Variants in SMYD3 observed in about 807,000 individuals in gnomAD.
SMYD3 encodes the protein SET and MYND domain containing 3.
In SMYD3, 36 loss-of-function variants were observed where a neutral mutation model predicts 57.7. The observed-to-expected ratio is 0.62, with a 90% CI of 0.48 to 0.82. SMYD3 has a LOEUF of 0.82. Ranked by LOEUF, SMYD3 falls within the 40% of genes least tolerant of loss-of-function variation. The pLI is 0.00. For missense variants in SMYD3, 515 were observed against 538.8 expected, an observed-to-expected ratio of 0.96 and a Z score of 0.44; for synonymous variants, 211 against 195.0, an observed-to-expected ratio of 1.08 and a Z score of -0.68.
At chr1:245,757,982 T>C (rs753219421) in intron 11 of SMYD3, among the ~76,000 whole-genome samples, 1 of 152,194 alleles carries the variant, frequency 6.6e-6, no homozygotes, top group South Asian at 2.1e-4. Flanking sequence ...GGGATTTTGA[T>C]AGAGATTGCA....
chr1:245,985,229 C>T (rs1225685453), intron 5 of SMYD3, among the ~76,000 whole-genome samples: 1 of 152,128 alleles, frequency 6.6e-6, no homozygotes, highest in East Asian at 1.9e-4. Context: ...TCTTCTGATG[C>T]CATACATTTT....
chr1:245,924,849 A>G (rs1260730722), intron 7 of SMYD3, among the ~76,000 whole-genome samples: 1 of 151,920 alleles, frequency 6.6e-6, no homozygotes, highest in African/African-American at 2.4e-5. Context: ...TTTTTAGTAG[A>G]GACGGGGTTT....
intron 4 of SMYD3, among the ~76,000 whole-genome samples, chr1:246,328,546 C>T (rs773631371): frequency 2.0e-5 from 3 of 152,092 alleles, no homozygotes; most frequent in Non-Finnish European, 4.4e-5. Context: ...TGAACTACAG[C>T]ATAACTCTGT....
intron 10 of SMYD3, among the ~76,000 whole-genome samples, chr1:245,806,783 G>A (rs184037080): frequency 0.012 from 1,889 of 151,272 alleles, 37 homozygotes; most frequent in African/African-American, 0.037. Context: ...GGTGGCGGGC[G>A]CCTGTAGTCC....
At chr1:245,790,529 T>A (rs891840222) in intron 10 of SMYD3, among the ~76,000 whole-genome samples, 1 of 152,180 alleles carries the variant, frequency 6.6e-6, no homozygotes, top group Admixed American at 6.5e-5. Flanking sequence ...TATACTTGGC[T>A]CCAAACCAGG....
intron 8 of SMYD3, among the ~76,000 whole-genome samples, chr1:245,867,666 GCGCA>G (rs1358700048): frequency 6.2e-4 from 87 of 139,704 alleles, no homozygotes; most frequent in Admixed American, 4.1e-3. Context: ...GTGCGTGCGC[GCGCA>G]CACACACACA....
chr1:246,433,686 T>C (rs2067330798), intron 1 of SMYD3, among the ~76,000 whole-genome samples: 1 of 151,976 alleles, frequency 6.6e-6, no homozygotes, highest in South Asian at 2.1e-4. Context: ...TAAAATAAAA[T>C]AGCCATACTG....
intron 10 of SMYD3, among the ~76,000 whole-genome samples, chr1:245,770,997 G>A (rs927664363): frequency 4.0e-5 from 6 of 151,830 alleles, no homozygotes; most frequent in African/African-American, 1.5e-4. Flanking sequence ...TGTGTCAACT[G>A]GAATCTCAAA....
At chr1:245,826,098 T>C (rs1363421880) in intron 10 of SMYD3, among the ~76,000 whole-genome samples, 1 of 150,936 alleles carries the variant, frequency 6.6e-6, no homozygotes, top group East Asian at 2.0e-4. Context: ...GGTTTTAAGG[T>C]GTACAGTTCA....
At chr1:245,913,115 A>T (rs1274077049) in intron 8 of SMYD3, among the ~76,000 whole-genome samples, 2 of 152,174 alleles carry the variant, frequency 1.3e-5, no homozygotes, top group African/African-American at 2.4e-5. Context: ...ACCAACCCAA[A>T]TGTCCAACAA....
At chr1:245,887,834 A>C (rs1370943129) in intron 8 of SMYD3, among the ~76,000 whole-genome samples, 1 of 152,176 alleles carries the variant, frequency 6.6e-6, no homozygotes, top group African/African-American at 2.4e-5. Flanking sequence ...TATATGTCTC[A>C]CATCATGAAA....
chr1:246,403,039 C>T (rs559598611), intron 1 of SMYD3, among the ~76,000 whole-genome samples: 18 of 152,288 alleles, frequency 1.2e-4, no homozygotes, highest in African/African-American at 4.3e-4. Context: ...CATTAAGAGT[C>T]ACCATTAAAA....
At chr1:245,902,833 A>AAT (rs1394966453) in intron 8 of SMYD3, among the ~76,000 whole-genome samples, 1 of 152,228 alleles carries the variant, frequency 6.6e-6, no homozygotes, top group Non-Finnish European at 1.5e-5. Context: ...AAATACTGTA[A>AAT]ATATATCTAC....
Position 246,144,893 on chromosome 1 carries a change from C to T in SMYD3, c.531+182308G>A, listed in dbSNP as rs112431443. Among the ~76,000 whole-genome samples, 84 of 152,306 alleles carry T rather than the reference C, an allele frequency of 5.5e-4. 1 individual carries two copies. Among genetic ancestry groups the T allele is most frequent in the African/African-American group, 2.0e-3 (82 of 41,554 alleles). The stretch of plus-strand genomic sequence containing the variant: ...TATAACAGAGCTAATTCAGGAAGCA[C>T]GAATCGGGTTTCCCGGATCTGGATA... On this transcript the variant is annotated intron_variant, in intron 5 of 11. Coordinates refer to ENST00000490107, the MANE Select transcript of SMYD3 (RefSeq NM_001167740.2).
In SMYD3 at chr1:246,135,743, G is replaced by A. The variant is rs187002629; in HGVS notation, c.531+191458C>T. 1.5e-3 allele frequency among the ~76,000 whole-genome samples: 234 copies of A among 152,086 alleles called. 1 individual carries two copies. Among genetic ancestry groups the A allele is most frequent in the African/African-American group, 5.3e-3 (219 of 41,490 alleles). ...AGAGTAGAAATATACAGCTAAAATT[G>A]TTTTAATATACAAACCAAAATGACA... On this transcript the variant is annotated intron_variant, in intron 5 of 11. Transcript: ENST00000490107.
At position 246,352,491 on chromosome 1, in the gene SMYD3, T is replaced by C. The variant is rs189012968; in HGVS notation, c.228+2540A>G. On this transcript the variant is annotated intron_variant, in intron 2 of 11. Coordinates refer to ENST00000490107, the MANE Select transcript of SMYD3 (RefSeq NM_001167740.2). The stretch of plus-strand genomic sequence containing the variant: ...AATTACAATGTTTAATGTTGTATTT[T>C]AAGGTTGAGATAAACACAGCAGTTT... Among the ~76,000 whole-genome samples the C allele has an allele frequency of 2.6e-5, 4 of 152,350 alleles. No individual in the cohort carries two copies. The East Asian group carries it at 7.7e-4, about 29-fold the overall frequency.
intron 5 of SMYD3, among the ~76,000 whole-genome samples, chr1:246,298,226 T>TAA (rs35477335): frequency 0.057 from 8,605 of 150,420 alleles, 337 homozygotes; most frequent in African/African-American, 0.097. Flanking sequence ...CACACTGAGG[T>TAA]AAAAAAATAA....
intron 10 of SMYD3, among the ~76,000 whole-genome samples, chr1:245,841,341 T>C (rs1215197501): frequency 1.3e-5 from 2 of 152,176 alleles, no homozygotes; most frequent in Admixed American, 1.3e-4. Context: ...CAAATGAGAT[T>C]TTTAGACTAC....
At chr1:245,867,632 G>A (rs1422107941) in intron 8 of SMYD3, among the ~76,000 whole-genome samples, 1 of 143,724 alleles carries the variant, frequency 7.0e-6, no homozygotes, top group African/African-American at 2.5e-5. Context: ...CACGGCAAGA[G>A]AAGATATGTG....
Sources: gnomAD v4.1 joint callset for allele counts (sites outside exome capture counted in the v4.1 genomes callset) on GRCh38, gnomAD v4.1.1 for gene constraint, MANE v1.5 for transcripts, NCBI Gene and HGNC (gene_info 2026-07-23, HGNC 2026-07-21) for gene names.